The following MAST4 variants were observed in gnomAD, a reference collection of about 807,000 sequenced individuals.
MAST4 encodes the protein microtubule-associated serine/threonine-protein kinase 4.
MAST4 carries 89 observed loss-of-function variants against 162.7 expected under a neutral mutation model. The ratio of observed to expected loss-of-function variants is 0.55; its 90% confidence interval spans 0.46 to 0.65. The LOEUF is 0.65. MAST4 is among the 30% of genes least tolerant of loss of function. The probability of loss-of-function intolerance (pLI) is 0.00; values close to 1 mark genes in which losing one functional copy is unlikely to be tolerated. For synonymous variants in MAST4, 1,479 were observed against 1,361.1 expected, an observed-to-expected ratio of 1.09 and a Z score of -1.91; for missense variants, 3,153 against 3,374.0, an observed-to-expected ratio of 0.93 and a Z score of 1.62.
rs1490341578 is a variant in MAST4, at chr5:67,130,289, C to T, written c.1825C>T (p.Arg609Ter). Residue 609 changes from arginine (R) to a stop codon, truncating the protein, a stop_gained, in exon 15 of 29, where the codon CGA (arginine) becomes TGA (stop). Transcript: ENST00000403625. LOFTEE classifies it high-confidence loss of function. ...KKINKQNLIL[R>*]NQIQQAFVER... ...GATTAATAAACAGAACCTCATCCTT[C>T]GAAACCAGATCCAGCAGGCCTTTGT... The T allele has an allele frequency of 1.2e-6, 2 of 1,613,788 alleles. No individual in the cohort carries two copies. Among genetic ancestry groups the T allele is most frequent in the East Asian group, 2.2e-5 (1 of 44,878 alleles).
chr5:66,788,021 TGACTTTTAAAAACATATATGTATATATTA>T (rs1158566663), intron 2 of MAST4, among the ~76,000 whole-genome samples: 1 of 152,230 alleles, frequency 6.6e-6, no homozygotes, highest in African/African-American at 2.4e-5. Flanking sequence ...TTCAGCTGTT[TGACTTTTAAAAACATATATGTATATATTA>T]GAGTTCAAGG....
chr5:66,610,531 G>C (rs1357327940), intron 1 of MAST4, among the ~76,000 whole-genome samples: 1 of 152,124 alleles, frequency 6.6e-6, no homozygotes, highest in African/African-American at 2.4e-5. Context: ...GCATCACCAG[G>C]GCCCTCTGCC....
chr5:66,877,450 C>T (rs1309889524), intron 3 of MAST4, among the ~76,000 whole-genome samples: 4 of 152,182 alleles, frequency 2.6e-5, no homozygotes, highest in Non-Finnish European at 4.4e-5. Context: ...GTAACTTGCA[C>T]AGGGTCGCAC....
chr5:66,607,784 T>C (rs1360484373), intron 1 of MAST4, among the ~76,000 whole-genome samples: 9 of 152,218 alleles, frequency 5.9e-5, no homozygotes, highest in Non-Finnish European at 1.3e-4. Flanking sequence ...ATTTGCCTCT[T>C]ATTACAAAAT....
intron 3 of MAST4, among the ~76,000 whole-genome samples, chr5:66,865,891 A>G (rs1225608055): frequency 2.6e-5 from 4 of 152,138 alleles, no homozygotes; most frequent in Non-Finnish European, 1.5e-5. Context: ...CCTGGCCAAC[A>G]TGGTGAAATC....
At chr5:66,921,598 A>G (rs1290493455) in intron 4 of MAST4, among the ~76,000 whole-genome samples, 1 of 152,098 alleles carries the variant, frequency 6.6e-6, no homozygotes, top group Non-Finnish European at 1.5e-5. Context: ...CTCTACTAAA[A>G]AAAATACAAA....
intron 5 of MAST4, among the ~76,000 whole-genome samples, chr5:67,073,761 T>C (rs1325046894): frequency 1.3e-5 from 2 of 152,208 alleles, no homozygotes; most frequent in Non-Finnish European, 2.9e-5. Context: ...CAACAGATGA[T>C]ACTGGGAAAA....
intron 3 of MAST4, among the ~76,000 whole-genome samples, chr5:66,807,186 C>G (rs1756230149): frequency 1.3e-5 from 2 of 152,204 alleles, no homozygotes; most frequent in South Asian, 2.1e-4. Flanking sequence ...TCCAATTACA[C>G]TCTTTTAGTT....
intron 4 of MAST4, among the ~76,000 whole-genome samples, chr5:67,009,467 C>T (rs1247895546): frequency 6.6e-6 from 1 of 152,156 alleles, no homozygotes; most frequent in Non-Finnish European, 1.5e-5. Flanking sequence ...GCCCATTTAC[C>T]TGGGTTAACA....
At chr5:66,937,217 C>G (rs572806652) in intron 4 of MAST4, among the ~76,000 whole-genome samples, 1 of 152,170 alleles carries the variant, frequency 6.6e-6, no homozygotes, top group Non-Finnish European at 1.5e-5. Context: ...GTACAGTGAA[C>G]AGGACACACA....
intron 2 of MAST4, among the ~76,000 whole-genome samples, chr5:66,784,144 C>T (rs550764102): frequency 2.4e-4 from 36 of 152,036 alleles, no homozygotes; most frequent in African/African-American, 2.9e-4. Flanking sequence ...CAACCTAGGA[C>T]GTAGGAGTCC....
chr5:66,668,148 A>G (rs950270904), intron 1 of MAST4, among the ~76,000 whole-genome samples: 1 of 152,230 alleles, frequency 6.6e-6, no homozygotes, highest in Non-Finnish European at 1.5e-5. Context: ...TGGAAATGTA[A>G]AGAAATAATT....
rs746829118 is a variant in MAST4, at chr5:67,163,646, G to A, written c.4467G>A (p.Leu1489=). ...AGCGGGAGGCGCCGCTGCAGAGCCT[G>A]GATGAGAACGTGTGCGACGTGCCGC... is the stretch of plus-strand genomic sequence containing the variant. ...QSQREAPLQS[L]DENVCDVPPL... The change falls in exon 29 of 29, where the codon CTG becomes CTA. Residue 1489 remains leucine (L), a synonymous_variant. Transcript: ENST00000403625. The surrounding 1 kb of genome is among the most constrained non-coding windows in gnomAD (Gnocchi z 7.0). 1.2e-6 allele frequency: 2 copies of A among 1,607,920 alleles called. No individual in the cohort carries two copies. The highest frequency in any genetic ancestry group is 2.7e-5 in the African/African-American group (2 of 74,878).
chr5:66,911,562 C>T, intron 4 of MAST4, among the ~76,000 whole-genome samples: 1 of 7,510 alleles, frequency 1.3e-4, no homozygotes, highest in Non-Finnish European at 8.0e-4. Context: ...ACAACAACCC[C>T]CCCCCCCCCC....
At chr5:67,012,617 G>C (rs974077904) in intron 4 of MAST4, among the ~76,000 whole-genome samples, 9 of 152,186 alleles carry the variant, frequency 5.9e-5, no homozygotes, top group African/African-American at 2.2e-4. Flanking sequence ...TAAAAGTAGA[G>C]TCAGTCTCTA....
chr5:66,881,591 A>G (rs900467549), intron 3 of MAST4, among the ~76,000 whole-genome samples: 2 of 152,214 alleles, frequency 1.3e-5, no homozygotes, highest in Non-Finnish European at 2.9e-5. Context: ...GTGAATTATA[A>G]TTTGTTGACT....
chr5:66,765,190 C>T (rs1344620969), intron 2 of MAST4, among the ~76,000 whole-genome samples: 2 of 152,084 alleles, frequency 1.3e-5, no homozygotes, highest in African/African-American at 4.8e-5. Flanking sequence ...GATGTTTGCA[C>T]AATGACAGAA....
chr5:67,042,099 C>T (rs1368465893), intron 4 of MAST4, among the ~76,000 whole-genome samples: 1 of 152,196 alleles, frequency 6.6e-6, no homozygotes, highest in Non-Finnish European at 1.5e-5. Context: ...CTTTGTAGAA[C>T]AGTTACTGTA....
chr5:66,982,278 T>G (rs1748952808), intron 4 of MAST4, among the ~76,000 whole-genome samples: 1 of 152,182 alleles, frequency 6.6e-6, no homozygotes, highest in African/African-American at 2.4e-5. Flanking sequence ...GTGTGTGCTT[T>G]CTTTTAACTT....
Sources: gnomAD v4.1 joint callset for allele counts (sites outside exome capture counted in the v4.1 genomes callset) on GRCh38, gnomAD v4.1.1 for gene constraint, Gnocchi (gnomAD v3.1) non-coding constraint, MANE v1.5 for transcripts, NCBI Gene and HGNC (gene_info 2026-07-23, HGNC 2026-07-21) for gene names.